The following GPR158 variants were observed in gnomAD, a reference collection of about 807,000 sequenced individuals.
GPR158 encodes the protein G protein-coupled receptor 158.
In GPR158, 30 loss-of-function variants were observed where a neutral mutation model predicts 78.2. That is an observed-to-expected ratio of 0.38 (90% CI 0.29 to 0.52). GPR158 has a LOEUF of 0.52. GPR158 is among the 20% of genes least tolerant of loss of function. The probability of loss-of-function intolerance (pLI) is 0.83; values close to 1 mark genes in which losing one functional copy is unlikely to be tolerated. For synonymous variants in GPR158, 581 were observed against 591.1 expected, an observed-to-expected ratio of 0.98 and a Z score of 0.25; for missense variants, 1,463 against 1,523.5, an observed-to-expected ratio of 0.96 and a Z score of 0.66.
chr10:25,252,701 C>G (rs372160755), intron 2 of GPR158, among the ~76,000 whole-genome samples: 2 of 152,124 alleles, frequency 1.3e-5, no homozygotes, highest in Non-Finnish European at 2.9e-5. Flanking sequence ...GCTGGGAGAA[C>G]CACTGCTCCC....
intron 7 of GPR158, among the ~76,000 whole-genome samples, chr10:25,576,128 T>A (rs1049049459): frequency 6.6e-6 from 1 of 152,030 alleles, no homozygotes; most frequent in African/African-American, 2.4e-5. Flanking sequence ...ACTGGTGAAA[T>A]CTGAAGTTTT....
chr10:25,320,408 C>G (rs1854931285), intron 2 of GPR158, among the ~76,000 whole-genome samples: 1 of 152,202 alleles, frequency 6.6e-6, no homozygotes, highest in South Asian at 2.1e-4. Flanking sequence ...GAGAAGCTGC[C>G]TGGACCATCT....
chr10:25,303,040 T>G (rs1007928562), intron 2 of GPR158, among the ~76,000 whole-genome samples: 1 of 152,248 alleles, frequency 6.6e-6, no homozygotes, highest in East Asian at 1.9e-4. Context: ...TGGTGCCCCA[T>G]GTCAAGATGG....
At chr10:25,462,134 A>G (rs1835365737) in intron 4 of GPR158, among the ~76,000 whole-genome samples, 1 of 152,134 alleles carries the variant, frequency 6.6e-6, no homozygotes, top group Admixed American at 6.5e-5. Context: ...GCAACTAGTG[A>G]CTTTAAGTTA....
chr10:25,191,536 G>T (rs536613730), intron 1 of GPR158, among the ~76,000 whole-genome samples: 2 of 152,254 alleles, frequency 1.3e-5, no homozygotes, highest in Middle Eastern at 6.8e-3. Flanking sequence ...TTTGTAATTC[G>T]GAAGTAGTTA....
intron 2 of GPR158, among the ~76,000 whole-genome samples, chr10:25,235,469 C>T (rs1853507775): frequency 6.7e-6 from 1 of 149,556 alleles, no homozygotes; most frequent in Non-Finnish European, 1.5e-5. Context: ...AATCTATCTG[C>T]TCTTAGCTTG....
chr10:25,290,522 A>G (rs925589482), intron 2 of GPR158, among the ~76,000 whole-genome samples: 8 of 152,182 alleles, frequency 5.3e-5, no homozygotes, highest in African/African-American at 1.9e-4. Flanking sequence ...GAAAAAAGAA[A>G]CTGTGATTTT....
At chr10:25,314,058 G>C (rs1455677595) in intron 2 of GPR158, among the ~76,000 whole-genome samples, 1 of 151,924 alleles carries the variant, frequency 6.6e-6, no homozygotes, top group African/African-American at 2.4e-5. Flanking sequence ...TTTATGAGCT[G>C]TATTTGTCTT....
At chr10:25,289,900 A>G (rs1316307546) in intron 2 of GPR158, among the ~76,000 whole-genome samples, 1 of 152,204 alleles carries the variant, frequency 6.6e-6, no homozygotes, top group Non-Finnish European at 1.5e-5. Context: ...TTGTAAATTC[A>G]CTAATAAGAT....
chr10:25,305,947 T>G (rs1854671181), intron 2 of GPR158, among the ~76,000 whole-genome samples: 1 of 152,192 alleles, frequency 6.6e-6, no homozygotes, highest in African/African-American at 2.4e-5. Context: ...TACAAGCAAT[T>G]AAAAACATGG....
At chr10:25,493,908 C>T (rs975146774) in intron 5 of GPR158, among the ~76,000 whole-genome samples, 4 of 152,246 alleles carry the variant, frequency 2.6e-5, no homozygotes, top group South Asian at 2.1e-4. Flanking sequence ...TTGCTTATTG[C>T]GCTAAAGCTT....
chr10:25,463,380 A>G (rs548583174), intron 4 of GPR158, among the ~76,000 whole-genome samples: 1 of 150,866 alleles, frequency 6.6e-6, no homozygotes, highest in South Asian at 2.1e-4. Context: ...AACCCAAAAT[A>G]TTTCTGAGGT....
intron 2 of GPR158, among the ~76,000 whole-genome samples, chr10:25,297,195 C>T (rs73608266): frequency 0.2 from 30,916 of 152,064 alleles, 5,310 homozygotes; most frequent in African/African-American, 0.47. Flanking sequence ...TAAATTCTGC[C>T]CCTAGGTGTA....
chr10:25,212,750 G>A lies in GPR158; in HGVS notation c.903-8302G>A, dbSNP rs1314184667. 7.5e-5 allele frequency among the ~76,000 whole-genome samples: 11 copies of A among 146,014 alleles called. No homozygotes were observed. The East Asian group carries it at 1.7e-3, about 23-fold the overall frequency. ...GGGTTCAAGCGATTCTCTTGCCTCA[G>A]CCTCCCAAGTAGCTGGGAGTACAGG... On this transcript the variant is annotated intron_variant, in intron 1 of 10. Transcript: ENST00000376351.
At chr10:25,199,884 A>G (rs1852898748) in intron 1 of GPR158, among the ~76,000 whole-genome samples, 1 of 152,178 alleles carries the variant, frequency 6.6e-6, no homozygotes, top group Non-Finnish European at 1.5e-5. Context: ...CATGGTGTAT[A>G]TGTATGACAT....
intron 7 of GPR158, among the ~76,000 whole-genome samples, chr10:25,578,762 C>T (rs956623715): frequency 1.3e-5 from 2 of 152,104 alleles, no homozygotes; most frequent in African/African-American, 4.8e-5. Flanking sequence ...AATCCCAGCA[C>T]TTTGGGAGGC....
At chr10:25,490,142 G>A (rs927305817) in intron 5 of GPR158, among the ~76,000 whole-genome samples, 4 of 151,974 alleles carry the variant, frequency 2.6e-5, no homozygotes, top group Admixed American at 1.3e-4. Context: ...GTTAAACTGC[G>A]ATTCCATTTC....
rs1189854502 is a variant in GPR158, at chr10:25,203,601, C to G, written c.903-17451C>G. Among the ~76,000 whole-genome samples, 8 of 121,454 alleles carry G rather than the reference C, an allele frequency of 6.6e-5. 1 individual carries two copies. Among genetic ancestry groups the G allele is most frequent in the Non-Finnish European group, 1.0e-4 (6 of 58,154 alleles). The allele number at this position is 121,454 out of a possible 152,430, so 79.7% of individuals were successfully genotyped here. A position where few individuals can be genotyped will look rare whatever the true frequency, so the allele number is the denominator to read the frequency against. The stretch of plus-strand genomic sequence containing the variant: ...TTATTTCTGAGGGCTCTGTTCTGTT[C>G]CATTGGTGTATATCTGTGTTTTGGT... On this transcript the variant is annotated intron_variant, in intron 1 of 10. Coordinates refer to ENST00000376351, the MANE Select transcript of GPR158 (RefSeq NM_020752.3).
chr10:25,262,191 GA>G (rs1252714211), intron 2 of GPR158, among the ~76,000 whole-genome samples: 3 of 152,124 alleles, frequency 2.0e-5, no homozygotes, highest in Admixed American at 6.5e-5. Context: ...GCTTAACCAG[GA>G]ATGATAGACT....
Sources: gnomAD v4.1 joint callset for allele counts (sites outside exome capture counted in the v4.1 genomes callset) on GRCh38, gnomAD v4.1.1 for gene constraint, MANE v1.5 for transcripts, NCBI Gene and HGNC (gene_info 2026-07-23, HGNC 2026-07-21) for gene names.